SLC38A4: variants seen among roughly 807,000 people sequenced by gnomAD.
SLC38A4 encodes solute carrier family 38 member 4, also known as sodium-coupled neutral amino acid transporter 4.
Under a neutral mutation model 63.1 loss-of-function variants are expected in SLC38A4, and 20 were observed. The observed-to-expected ratio is 0.32, with a 90% confidence interval of 0.22 to 0.46. The LOEUF is 0.46. Among genes scored for constraint, SLC38A4 ranks in the 20% least tolerant of loss-of-function variants. The pLI is 1.00. For missense variants in SLC38A4, 526 were observed against 663.6 expected, an observed-to-expected ratio of 0.79 and a Z score of 2.28; for synonymous variants, 230 against 225.5, an observed-to-expected ratio of 1.02 and a Z score of -0.18.
At chr12:46,823,029 T>C (rs1288132169) in intron 1 of SLC38A4, among the ~76,000 whole-genome samples, 1 of 152,178 alleles carries the variant, frequency 6.6e-6, no homozygotes, top group Non-Finnish European at 1.5e-5. Context: ...AAAAACTGCA[T>C]TACTTCCCTT....
At chr12:46,792,869 C>A in intron 3 of SLC38A4, 84 bp downstream of exon 3, 1 of 932,992 alleles carries the variant, frequency 1.1e-6, no homozygotes, top group Non-Finnish European at 1.7e-6. Context: ...GTAATAAATC[C>A]AGTTCTTCCC....
At chr12:46,811,697 C>G (rs1939342604) in intron 1 of SLC38A4, among the ~76,000 whole-genome samples, 2 of 151,958 alleles carry the variant, frequency 1.3e-5, no homozygotes, top group African/African-American at 4.8e-5. Flanking sequence ...TTACTGCAAA[C>G]AGTAAAAACC....
At chr12:46,788,383 C>G in intron 4 of SLC38A4, 145 bp downstream of exon 4, 1 of 652,640 alleles carries the variant, frequency 1.5e-6, no homozygotes, top group South Asian at 1.9e-5. Context: ...AAAAAACAAG[C>G]CCTTATTCCA....
At chr12:46,831,612 C>T (rs61927432) in intron 1 of SLC38A4, among the ~76,000 whole-genome samples, 2 of 152,370 alleles carry the variant, frequency 1.3e-5, no homozygotes, top group African/African-American at 4.8e-5. Flanking sequence ...CAGCTCTGCT[C>T]TCGCCTTCTC....
intron 2 of SLC38A4, among the ~76,000 whole-genome samples, chr12:46,799,496 C>T (rs1939086626): frequency 1.3e-5 from 2 of 151,904 alleles, no homozygotes; most frequent in Non-Finnish European, 2.9e-5. Flanking sequence ...CAGTTAATCT[C>T]CTGAGGCAGG....
chr12:46,784,453 A>T, intron 7 of SLC38A4, 89 bp downstream of exon 7: 1 of 928,654 alleles, frequency 1.1e-6, no homozygotes, highest in Non-Finnish European at 1.6e-6. Context: ...TTCTGTATCT[A>T]AAGTGCCTGT....
chr12:46,769,554 CT>C (rs933800134), intron 14 of SLC38A4, 126 bp from the exon 15 acceptor site: 1 of 1,050,974 alleles, frequency 9.5e-7, no homozygotes, highest in African/African-American at 1.6e-5. Context: ...GATGTTGATG[CT>C]TTTTTCAATT....
intron 3 of SLC38A4, among the ~76,000 whole-genome samples, chr12:46,792,663 T>C (rs568237033): frequency 1.3e-5 from 2 of 152,108 alleles, no homozygotes; most frequent in Non-Finnish European, 2.9e-5. Context: ...TGTAGCAACA[T>C]TCAAAGAGGA....
At chr12:46,809,577 G>A (rs1017663620) in intron 1 of SLC38A4, among the ~76,000 whole-genome samples, 2 of 152,068 alleles carry the variant, frequency 1.3e-5, no homozygotes, top group African/African-American at 2.4e-5. Flanking sequence ...TTCACCACAA[G>A]AGTTTGCAGT....
chr12:46,774,141 A>G (rs1458148726), intron 14 of SLC38A4, among the ~76,000 whole-genome samples: 1 of 152,056 alleles, frequency 6.6e-6, no homozygotes, highest in East Asian at 1.9e-4. Context: ...ATCTGATTTC[A>G]TGCACTCATG....
At chr12:46,773,651 T>C (rs1053435421) in intron 14 of SLC38A4, among the ~76,000 whole-genome samples, 1 of 152,092 alleles carries the variant, frequency 6.6e-6, no homozygotes, top group African/African-American at 2.4e-5. Context: ...AGGTGAAATG[T>C]TCATCAGTAA....
chr12:46,776,842 C>G, intron 13 of SLC38A4, 62 bp downstream of exon 13: 1 of 1,425,522 alleles, frequency 7.0e-7, no homozygotes, highest in South Asian at 1.2e-5. Flanking sequence ...TCATACCTAC[C>G]CAGGTCAAGG....
chr12:46,790,868 A>C (rs2120823675), intron 3 of SLC38A4, among the ~76,000 whole-genome samples: 1 of 152,342 alleles, frequency 6.6e-6, no homozygotes, highest in South Asian at 2.1e-4. Flanking sequence ...AAAAATTTAC[A>C]TTTAAGGGTT....
intron 10 of SLC38A4, 78 bp from the exon 11 acceptor site, chr12:46,778,854 C>A: frequency 7.4e-7 from 1 of 1,346,704 alleles, no homozygotes; most frequent in Non-Finnish European, 1.0e-6. Context: ...ATATGTGTGG[C>A]TTATAGGGTG....
At chr12:46,786,178 A>G (rs1276545084) in intron 5 of SLC38A4, among the ~76,000 whole-genome samples, 1 of 152,102 alleles carries the variant, frequency 6.6e-6, no homozygotes, top group Non-Finnish European at 1.5e-5. Context: ...AACTGTTTTT[A>G]AGGAATAATG....
intron 14 of SLC38A4, among the ~76,000 whole-genome samples, chr12:46,772,133 T>TAAAA (rs372169654): frequency 7.6e-6 from 1 of 131,500 alleles, no homozygotes; most frequent in Non-Finnish European, 1.7e-5. Flanking sequence ...TTCTAACTCT[T>TAAAA]AAAAAAAAAA....
At chr12:46,783,600 AAG>A (rs1301595018) in intron 7 of SLC38A4, among the ~76,000 whole-genome samples, 2 of 152,070 alleles carry the variant, frequency 1.3e-5, no homozygotes, top group Non-Finnish European at 2.9e-5. Context: ...AGAGATAAGT[AAG>A]AGATCAAATG....
chr12:46,787,428 G>C (rs1003273627), intron 5 of SLC38A4, among the ~76,000 whole-genome samples: 2 of 152,140 alleles, frequency 1.3e-5, no homozygotes, highest in East Asian at 3.9e-4. Flanking sequence ...GAGTTAACTA[G>C]ATGAAGAAGG....
chr12:46,832,423 A>G (rs1939744199), upstream of SLC38A4: 1 of 152,192 alleles, frequency 6.6e-6, no homozygotes, highest in Non-Finnish European at 1.5e-5. Flanking sequence ...TCGCCTTTCT[A>G]AAGAGTGGAA....
Sources: allele counts gnomAD v4.1 joint callset (sites outside exome capture counted in the v4.1 genomes callset), GRCh38; gene constraint gnomAD v4.1.1; transcripts MANE v1.5; gene names NCBI Gene and HGNC (gene_info 2026-07-23, HGNC 2026-07-21).